The following HOOK3 variants were observed in gnomAD, a reference collection of about 807,000 sequenced individuals.
HOOK3 encodes protein Hook homolog 3.
Under a neutral mutation model 116.3 loss-of-function variants are expected in HOOK3, and 24 were observed. The observed-to-expected ratio is 0.21, with a 90% CI of 0.15 to 0.29. The LOEUF is 0.29. HOOK3 is among the 10% of genes least tolerant of loss of function. The pLI is 1.00. For synonymous variants in HOOK3, 275 were observed against 283.0 expected (o/e 0.97, Z 0.28); for missense variants, 632 against 830.2 (o/e 0.76, Z 2.93).
chr8:42,968,357 TCTCA>T (rs1267980869), intron 11 of HOOK3, 143 bp downstream of exon 11: 4 of 604,898 alleles, frequency 6.6e-6, no homozygotes, highest in Non-Finnish European at 1.2e-5. Context: ...GGAGACTGAG[TCTCA>T]CTCTGTCACC....
chr8:42,994,672 T>C (rs1809230624), intron 15 of HOOK3, among the ~76,000 whole-genome samples: 1 of 152,238 alleles, frequency 6.6e-6, no homozygotes, highest in South Asian at 2.1e-4. Flanking sequence ...AGATACTTGA[T>C]ATTATTTCAA....
intron 4 of HOOK3, among the ~76,000 whole-genome samples, chr8:42,940,351 G>A (rs976881461): frequency 1.1e-4 from 17 of 152,340 alleles, no homozygotes; most frequent in Admixed American, 7.2e-4. Context: ...GCGTGGCGGC[G>A]CGCGCCCGCA....
chr8:42,904,447 C>G (rs1334480373), intron 1 of HOOK3, among the ~76,000 whole-genome samples: 1 of 151,730 alleles, frequency 6.6e-6, no homozygotes, highest in Non-Finnish European at 1.5e-5. Flanking sequence ...GTAGCTTGGA[C>G]TACAGGTGTG....
chr8:42,897,227 C>T (rs1807012840), intron 1 of HOOK3, 39 bp downstream of exon 1: 2 of 1,210,172 alleles, frequency 1.7e-6, no homozygotes, highest in Admixed American at 8.5e-5. Context: ...GACCCCCTCC[C>T]CCCGCCACCT....
At chr8:42,978,688 A>G (rs1808874843) in intron 13 of HOOK3, among the ~76,000 whole-genome samples, 1 of 152,082 alleles carries the variant, frequency 6.6e-6, no homozygotes, top group Admixed American at 6.5e-5. Context: ...TGCTGGGATT[A>G]CAGCCATGAG....
At chr8:42,905,019 T>G (rs916695957) in intron 1 of HOOK3, among the ~76,000 whole-genome samples, 3 of 152,216 alleles carry the variant, frequency 2.0e-5, no homozygotes, top group African/African-American at 7.2e-5. Flanking sequence ...TTTCTTACTT[T>G]GAGAGAGAAT....
chr8:42,931,250 C>A (rs1807866534), intron 4 of HOOK3, among the ~76,000 whole-genome samples: 1 of 152,076 alleles, frequency 6.6e-6, no homozygotes, highest in African/African-American at 2.4e-5. Flanking sequence ...TACCTCCTTA[C>A]AGAGACTTTC....
intron 3 of HOOK3, among the ~76,000 whole-genome samples, chr8:42,926,775 T>C (rs1313991118): frequency 1.3e-5 from 2 of 152,246 alleles, no homozygotes; most frequent in Non-Finnish European, 2.9e-5. Context: ...TTGCACTCTA[T>C]GTTAGTGTGT....
At chr8:42,944,416 A>C (rs1019377187) in intron 5 of HOOK3, among the ~76,000 whole-genome samples, 4 of 151,978 alleles carry the variant, frequency 2.6e-5, no homozygotes, top group African/African-American at 9.7e-5. Context: ...ACCCTGTCTC[A>C]AAAAAAGAGA....
intron 19 of HOOK3, among the ~76,000 whole-genome samples, chr8:43,010,635 T>C (rs1026259599): frequency 6.6e-6 from 1 of 152,218 alleles, no homozygotes; most frequent in African/African-American, 2.4e-5. Context: ...GTGTGGGAAA[T>C]GAGTGGCACT....
At chr8:42,942,804 C>A (rs563810581) in intron 4 of HOOK3, among the ~76,000 whole-genome samples, 6 of 152,200 alleles carry the variant, frequency 3.9e-5, no homozygotes, top group Admixed American at 1.3e-4. Context: ...AGAGACCTGC[C>A]CATTTGTCTG....
intron 16 of HOOK3, chr8:43,000,236 G>A (rs780815681): frequency 3.9e-6 from 5 of 1,270,172 alleles, no homozygotes; most frequent in Non-Finnish European, 5.1e-6. Flanking sequence ...ATACTAATTT[G>A]TCCTCTCTGT....
chr8:42,943,248 C>CA, intron 4 of HOOK3, 65 bp from the exon 5 acceptor site: 1 of 1,033,558 alleles, frequency 9.7e-7, no homozygotes, highest in East Asian at 2.9e-5. Context: ...AAACCTCGAT[C>CA]AAGTTTTTTT....
intron 15 of HOOK3, among the ~76,000 whole-genome samples, chr8:42,987,743 A>G (rs1281556453): frequency 6.6e-6 from 1 of 152,192 alleles, no homozygotes; most frequent in African/African-American, 2.4e-5. Context: ...TACTCTGACA[A>G]GGGTTACATT....
At chr8:42,945,223 C>T (rs976558235) in intron 5 of HOOK3, among the ~76,000 whole-genome samples, 1 of 152,124 alleles carries the variant, frequency 6.6e-6, no homozygotes, top group African/African-American at 2.4e-5. Flanking sequence ...GTGTCTTGCA[C>T]ATAGTAGTGG....
At chr8:42,970,880 C>T (rs1007409158) in intron 11 of HOOK3, among the ~76,000 whole-genome samples, 1 of 150,916 alleles carries the variant, frequency 6.6e-6, no homozygotes, top group Non-Finnish European at 1.5e-5. Context: ...CTCGACCCCC[C>T]AGGCTCAGGT....
At chr8:42,939,213 G>C (rs1025465219) in intron 4 of HOOK3, among the ~76,000 whole-genome samples, 1 of 152,078 alleles carries the variant, frequency 6.6e-6, no homozygotes, top group African/African-American at 2.4e-5. Context: ...ATCATGGCCC[G>C]TTCTCAATGA....
chr8:42,928,780 GC>G (rs1305809689), intron 3 of HOOK3, among the ~76,000 whole-genome samples: 1 of 152,208 alleles, frequency 6.6e-6, no homozygotes, highest in African/African-American at 2.4e-5. Context: ...AGTGGCTCAT[GC>G]CTGTAATCTC....
chr8:43,019,577 T>C lies in HOOK3; in HGVS notation c.*1079T>C, dbSNP rs1809785783. 2 of 203,212 alleles carry C rather than the reference T, an allele frequency of 9.8e-6. No individual in the cohort carries two copies. The highest frequency in any genetic ancestry group is 3.8e-4 in the South Asian group (2 of 5,266). 12.6% of individuals were successfully genotyped at this position (203,212 alleles called of 1,614,324 possible). A position where few individuals can be genotyped will look rare whatever the true frequency, so the allele number is the denominator to read the frequency against. ...GTTTTTTCTCACATCTATCTGCTAG[T>C]CCAGGAATTTGTTACTAAATAGATT... On this transcript the variant is annotated 3_prime_UTR_variant, in exon 22 of 22. Transcript: ENST00000307602.
Sources: allele counts gnomAD v4.1 joint callset (sites outside exome capture counted in the v4.1 genomes callset), GRCh38; gene constraint gnomAD v4.1.1; transcripts MANE v1.5; gene names NCBI Gene and HGNC (gene_info 2026-07-23, HGNC 2026-07-21).